The following KRT3 variants were observed in gnomAD, a reference collection of about 807,000 sequenced individuals.
KRT3 encodes the protein keratin, type II cytoskeletal 3.
A neutral mutation model predicts 45.8 loss-of-function variants in KRT3; 34 were observed. The ratio of observed to expected loss-of-function variants is 0.74; its 90% CI spans 0.57 to 0.99. The LOEUF (loss-of-function observed/expected upper bound fraction) is 0.99, where lower values mean the gene tolerates loss of function less well. Ranked by LOEUF, KRT3 falls within the 50% of genes least tolerant of loss-of-function variation. KRT3 has a pLI of 0.00. For missense variants in KRT3, 828 were observed against 820.6 expected, an observed-to-expected ratio of 1.01 and a Z score of -0.11; for synonymous variants, 367 against 329.0, an observed-to-expected ratio of 1.12 and a Z score of -1.25.
rs909472043 is a variant in KRT3, at chr12:52,789,873, G to T, written c.*169C>A. The T allele has an allele frequency of 1.4e-6, 1 of 723,676 alleles. No individual in the cohort carries two copies. The highest frequency in any genetic ancestry group is 2.3e-6 in the Non-Finnish European group (1 of 430,138). 44.8% of individuals were successfully genotyped at this position (723,676 alleles called of 1,614,324 possible). ...CCGGAGAGAAGAGCCTGAAATTCTC[G>T]TGACTGGGCTTGGCCGGGGATCTGG... On this transcript the variant is annotated 3_prime_UTR_variant, in exon 9 of 9. Transcript: ENST00000417996.
intron 6 of KRT3, 103 bp downstream of exon 6, chr12:52,791,588 C>G: frequency 1.3e-6 from 2 of 1,522,920 alleles, no homozygotes; most frequent in East Asian, 2.3e-5. Context: ...GGTCAGCCAG[C>G]CTGAGATGAC....
rs780204542 is a variant in KRT3, at chr12:52,792,351, A to G, written c.1076T>C (p.Met359Thr). 6.2e-7 allele frequency: 1 copy of G among 1,613,494 alleles called. No homozygotes were observed. The highest frequency in any genetic ancestry group is 8.5e-7 in the Non-Finnish European group (1 of 1,179,494). Residue 359 changes from methionine to threonine, a missense_variant, in exon 5 of 9, where the codon ATG (methionine) becomes ACG (threonine). Physicochemically the swap from Met to Thr is moderately conservative, Grantham distance 81. Transcript: ENST00000417996. Reference sequence around the variant, plus strand: ...CAGGTCCAGGGAGCGATTATTGTCCATGGACAGCACCACAGATGTGTCACT... The same window carrying G: ...CAGGTCCAGGGAGCGATTATTGTCCGTGGACAGCACCACAGATGTGTCACT... The part of the protein sequence containing the change: ...HISDTSVVLS[M>T]DNNRSLDLDS...
chr12:52,795,926 G>T lies in KRT3; in HGVS notation c.117C>A (p.Gly39=), dbSNP rs372694149. The part of the protein sequence containing the change: ...MSCVAHSGGA[G]GGAYGFRSGA... ...CGCTCCGGAAGCCATAGGCCCCTCCGCCAGCTCCCCCAGAGTGGGCCACAC... is the reference window on the plus strand; with the variant it reads ...CGCTCCGGAAGCCATAGGCCCCTCCTCCAGCTCCCCCAGAGTGGGCCACAC... The change falls in exon 1 of 9, where the codon GGC becomes GGA. Residue 39 remains glycine, a synonymous_variant. Coordinates refer to ENST00000417996, the MANE Select transcript of KRT3 (RefSeq NM_057088.3). 2 of 1,614,064 alleles carry T rather than the reference G, an allele frequency of 1.2e-6. No individual in the cohort carries two copies. Among genetic ancestry groups the T allele is most frequent in the East Asian group, 4.5e-5 (2 of 44,888 alleles).
Position 52,793,225 on chromosome 12 carries a change from T to A in KRT3, c.867-2A>T. 1 of 1,599,730 alleles carries A rather than the reference T, an allele frequency of 6.3e-7. No individual in the cohort carries two copies. Among genetic ancestry groups the A allele is most frequent in the Non-Finnish European group, 8.5e-7 (1 of 1,171,890 alleles). ...CGTTTATTGATTTCATCCTCATATC[T>A]GTGTGAATAAAAAAGAAACAGCTGA... On this transcript the variant is annotated splice_acceptor_variant, in intron 2 of 8. Transcript: ENST00000417996. LOFTEE classifies it high-confidence loss of function.
At position 52,791,339 on chromosome 12, in the gene KRT3, G is replaced by C; in HGVS notation, c.1402C>G (p.Gln468Glu). ...KDANAKLQEL[Q>E]AALQQAKDDL... ...TCCTTCGCCTGCTGTAGAGCAGCCT[G>C]CAGCTCTTGGAGCTTGGCATTGGCA... is the stretch of plus-strand genomic sequence containing the variant. The change falls in exon 7 of 9, where the codon CAG (glutamine) becomes GAG (glutamate). Residue 468 changes from glutamine to glutamate, a missense_variant. Gln to Glu is a conservative substitution (Grantham distance 29, BLOSUM62 2). Coordinates refer to ENST00000417996, the MANE Select transcript of KRT3 (RefSeq NM_057088.3). The C allele has an allele frequency of 6.2e-7, 1 of 1,614,248 alleles. No homozygotes were observed. The highest frequency in any genetic ancestry group is 8.5e-7 in the Non-Finnish European group (1 of 1,180,032).
chr12:52,795,661 C>A lies in KRT3; in HGVS notation c.382G>T (p.Ala128Ser). 2 of 1,600,426 alleles carry A rather than the reference C, an allele frequency of 1.2e-6. No individual in the cohort carries two copies. Among genetic ancestry groups the A allele is most frequent in the Non-Finnish European group, 1.7e-6 (2 of 1,175,066 alleles). The change falls in exon 1 of 9, where the codon GCT becomes TCT. Residue 128 changes from alanine (A) to serine (S), a missense_variant. By Grantham distance (99) the Ala-to-Ser change is moderately conservative (BLOSUM62 1). Transcript: ENST00000417996. ...GFGGAGGFGG[A>S]GGFGGAGGFG... is the part of the protein sequence containing the mutation. Reference sequence around the variant, plus strand: ...CCACCAGCCCCTCCAAAGCCACCAGCCCCTCCAAAGCCACCAGCTCCACCA... The same window carrying A: ...CCACCAGCCCCTCCAAAGCCACCAGACCCTCCAAAGCCACCAGCTCCACCA...
At position 52,789,823 on chromosome 12, in the gene KRT3, G is replaced by A. The variant is rs370099181; in HGVS notation, c.*219C>T. 6.4e-5 allele frequency: 41 copies of A among 641,646 alleles called. No homozygotes were observed. In the East Asian group the frequency reaches 7.1e-4, roughly 11 times the overall value. The allele number at this position is 641,646 out of a possible 1,614,324, so 39.7% of individuals were successfully genotyped here. On this transcript the variant is annotated 3_prime_UTR_variant, in exon 9 of 9. Coordinates refer to ENST00000417996, the MANE Select transcript of KRT3 (RefSeq NM_057088.3). The stretch of plus-strand genomic sequence containing the variant: ...GAAGGTGGCGGCCTAGGCCACACCT[G>A]GACAATCACAGGCACAGGCTGGAGC...
intron 6 of KRT3, 89 bp from the exon 7 acceptor site, chr12:52,791,515 G>T: frequency 6.7e-7 from 1 of 1,487,242 alleles, no homozygotes. Context: ...CTTAAAGTCA[G>T]GGAACATTCC....
Position 52,792,748 on chromosome 12 carries a change from A to G in KRT3, c.986T>C (p.Ile329Thr), listed in dbSNP as rs114078275. ...VELQAKVDAL[I>T]DEIDFLRTLY... ...GGTCCTTAAGAAGTCGATCTCATCT[A>G]TCAAGGCATCCACTTTGGCCTGAAG... The change falls in exon 4 of 9, where the codon ATA becomes ACA. Residue 329 changes from isoleucine (I) to threonine (T), a missense_variant. Transcript: ENST00000417996. The G allele has an allele frequency of 5.8e-4, 943 of 1,613,772 alleles. 4 individuals carry two copies. The African/African-American group carries it at 0.011, about 19-fold the overall frequency.
chr12:52,794,212 G>A lies in KRT3; in HGVS notation c.765C>T (p.Ile255=), dbSNP rs1380851039. ...TGTCCAGGTAGCTCCGCAGGTAGTT[G>A]ATGTGATTCTCAAAAAGAGGCTCAA... ...NNLEPLFENH[I]NYLRSYLDNI... The change falls in exon 2 of 9, where the codon ATC becomes ATT. Residue 255 remains isoleucine (I), a synonymous_variant. Coordinates refer to ENST00000417996, the MANE Select transcript of KRT3 (RefSeq NM_057088.3). 1.2e-6 allele frequency: 2 copies of A among 1,614,146 alleles called. No homozygotes were observed. Among genetic ancestry groups the A allele is most frequent in the Admixed American group, 1.7e-5 (1 of 60,024 alleles).
In KRT3 at chr12:52,791,226, C is replaced by T. The variant is rs375181234; in HGVS notation, c.1515G>A (p.Leu505=). Residue 505 remains leucine (L), a synonymous_variant, in exon 7 of 9, where the codon CTG becomes CTA. Transcript: ENST00000417996. The part of the protein sequence containing the change: ...LDVEIATYRK[L]LEGEEYRMSG... The stretch of plus-strand genomic sequence containing the variant: ...CTCACCTGTACTCCTCGCCCTCCAG[C>T]AGCTTGCGGTAGGTGGCGATCTCCA... 3.7e-6 allele frequency: 6 copies of T among 1,614,112 alleles called. No individual in the cohort carries two copies. The African/African-American group carries it at 6.7e-5, about 18-fold the overall frequency.
In KRT3 at chr12:52,794,315, T is replaced by G; in HGVS notation, c.662A>C (p.Gln221Pro). 1 of 1,613,958 alleles carries G rather than the reference T, an allele frequency of 6.2e-7. No individual in the cohort carries two copies. Among genetic ancestry groups the G allele is most frequent in the Admixed American group, 1.7e-5 (1 of 60,028 alleles). Residue 221 changes from glutamine to proline, a missense_variant, in exon 2 of 9, where the codon CAA becomes CCA. Transcript: ENST00000417996. ...CTTGGTCTCCAGGACTTTGTTCTGT[T>G]GCTCCAGGAACCGCACCTGCAATGG... ...SFIDKVRFLEQQNKVLETKWN... is the reference protein window; with the variant it reads ...SFIDKVRFLEPQNKVLETKWN...
rs552620203 is a variant in KRT3, at chr12:52,791,149, G to C, written c.1535+57C>G. On this transcript the variant is annotated intron_variant, in intron 7 of 8. Coordinates refer to ENST00000417996, the MANE Select transcript of KRT3 (RefSeq NM_057088.3). ...TCCCCAGTTACTTGGTCACTTATCT[G>C]GCCCTTGGCCTATGACTTGAGCCAG... The C allele has an allele frequency of 1.6e-4, 251 of 1,611,126 alleles. 2 individuals carry two copies. In the East Asian group the frequency reaches 5.2e-3, roughly 33 times the overall value.
At chr12:52,792,917 AC>A in intron 3 of KRT3, 111 bp from the exon 4 acceptor site, 1 of 770,462 alleles carries the variant, frequency 1.3e-6, no homozygotes, top group Non-Finnish European at 2.2e-6. Flanking sequence ...CTTGTCTAAG[AC>A]CAGTCTCCAC....
Position 52,789,984 on chromosome 12 carries a change from G to T in KRT3, c.*58C>A. 1 of 1,495,016 alleles carries T rather than the reference G, an allele frequency of 6.7e-7. No homozygotes were observed. 92.6% of individuals were successfully genotyped at this position (1,495,016 alleles called of 1,614,324 possible). ...GTGGCGCTGGGGGTGTTGCCAATATGGGGGCGTGGGGAGCGGAGGGGAGGC... is the reference window on the plus strand; with the variant it reads ...GTGGCGCTGGGGGTGTTGCCAATATTGGGGCGTGGGGAGCGGAGGGGAGGC... On this transcript the variant is annotated 3_prime_UTR_variant, in exon 9 of 9. Transcript: ENST00000417996.
rs1939553490 is a variant in KRT3 at position 52,792,773 on chromosome 12, G to A, written c.961C>T (p.Leu321Phe). 8 of 1,613,584 alleles carry A rather than the reference G, an allele frequency of 5.0e-6. No homozygotes were observed. Among genetic ancestry groups the A allele is most frequent in the Non-Finnish European group, 6.8e-6 (8 of 1,179,504 alleles). The change falls in exon 4 of 9, where the codon CTT becomes TTT. Residue 321 changes from leucine (L) to phenylalanine (F), a missense_variant. Leu to Phe is a conservative substitution (Grantham distance 22). Transcript: ENST00000417996. ...ATCAAGGCATCCACTTTGGCCTGAA[G>A]CTCCACCTTGTTCATATAGGCACTG... ...VDSAYMNKVELQAKVDALIDE... is the reference protein window; with the variant it reads ...VDSAYMNKVEFQAKVDALIDE...
intron 2 of KRT3, 115 bp downstream of exon 2, chr12:52,793,996 G>A: frequency 1.4e-6 from 1 of 738,242 alleles, no homozygotes; most frequent in Admixed American, 2.2e-5. Context: ...AAGGTAAGGA[G>A]AGGGAAATGG....
Position 52,790,233 on chromosome 12 carries a change from G to A in KRT3, c.1696C>T (p.Arg566Trp), listed in dbSNP as rs1368320845. 43 of 1,546,694 alleles carry A rather than the reference G, an allele frequency of 2.8e-5. No homozygotes were observed. In the East Asian group the frequency reaches 6.6e-4, roughly 24 times the overall value. Residue 566 changes from arginine to tryptophan, a missense_variant, in exon 9 of 9, where the codon CGG becomes TGG. Physicochemically the swap from Arg to Trp is moderately radical, Grantham distance 101. Transcript: ENST00000417996. ...AGGGSGSGFG[R>W]GGGGGIGGGF... ...CCGCCGATTCCACCGCCGCCTCCCC[G>A]GCCAAAGCCACTGCCTGAGCCGCCG...
In KRT3 at chr12:52,790,078, G is replaced by C. The variant is rs1233100608; in HGVS notation, c.1851C>G (p.Ser617=). Residue 617 remains serine, a synonymous_variant, in exon 9 of 9, where the codon TCC becomes TCG. Coordinates refer to ENST00000417996, the MANE Select transcript of KRT3 (RefSeq NM_057088.3). ...ASNRGGSIKF[S]QSSQSSQRYS... is the part of the protein sequence containing the mutation. ...AGCGCTGGGAGGACTGGGAGGACTGGGAGAACTTGATGCTGCCGCCCCGGT... is the reference window on the plus strand; with the variant it reads ...AGCGCTGGGAGGACTGGGAGGACTGCGAGAACTTGATGCTGCCGCCCCGGT... 6.5e-7 allele frequency: 1 copy of C among 1,541,236 alleles called. No individual in the cohort carries two copies.
Sources: allele counts gnomAD v4.1 joint callset, GRCh38; gene constraint gnomAD v4.1.1; transcripts MANE v1.5; gene names NCBI Gene and HGNC (gene_info 2026-07-23, HGNC 2026-07-21).